Variants in RPN1 observed in about 807,000 individuals in gnomAD.
RPN1 encodes the protein dolichyl-diphosphooligosaccharide--protein glycosyltransferase subunit 1.
A neutral mutation model predicts 55.5 loss-of-function variants in RPN1; 12 were observed. The observed-to-expected ratio is 0.22, with a 90% confidence interval of 0.14 to 0.35. The LOEUF (loss-of-function observed/expected upper bound fraction) is 0.35, where lower values mean the gene tolerates loss of function less well. Among genes scored for constraint, RPN1 ranks in the 10% least tolerant of loss-of-function variants. The pLI, the probability that RPN1 is intolerant of heterozygous loss-of-function variation, is 1.00. For synonymous variants in RPN1, 317 were observed against 305.9 expected (o/e 1.04, Z -0.38); for missense variants, 679 against 761.3 (o/e 0.89, Z 1.27).
At chr3:128,621,486 C>A (rs915265456) in intron 9 of RPN1, among the ~76,000 whole-genome samples, 3 of 152,086 alleles carry the variant, frequency 2.0e-5, no homozygotes, top group Non-Finnish European at 4.4e-5. Flanking sequence ...AGAGTGAAAC[C>A]CTGTCTCAAA....
chr3:128,646,989 G>T (rs2069773571), intron 1 of RPN1, among the ~76,000 whole-genome samples: 1 of 151,216 alleles, frequency 6.6e-6, no homozygotes, highest in Admixed American at 6.6e-5. Context: ...AAAAAAAAAT[G>T]GTTAACAGTG....
At chr3:128,630,173 ACT>A in intron 4 of RPN1, 30 bp from the exon 5 acceptor site, 2 of 1,503,562 alleles carry the variant, frequency 1.3e-6, no homozygotes, top group Non-Finnish European at 1.8e-6. Context: ...CCCTTCTAAA[ACT>A]CCAGGAACCA....
intron 2 of RPN1, chr3:128,642,417 C>T (rs1426622450): frequency 6.6e-6 from 1 of 152,070 alleles, no homozygotes; most frequent in Non-Finnish European, 1.5e-5. Context: ...AAAAGGTGGC[C>T]AGGTAGTGGC....
intron 8 of RPN1, among the ~76,000 whole-genome samples, chr3:128,624,845 A>C (rs1006975840): frequency 3.3e-5 from 5 of 152,116 alleles, no homozygotes; most frequent in Middle Eastern, 3.4e-3. Flanking sequence ...AAAAAAAAAA[A>C]CACACGCTGT....
chr3:128,626,302 T>G (rs1321787596), intron 6 of RPN1, among the ~76,000 whole-genome samples: 1 of 152,190 alleles, frequency 6.6e-6, no homozygotes, highest in Non-Finnish European at 1.5e-5. Flanking sequence ...AGTCACAAAG[T>G]TGACACAGCT....
At chr3:128,623,638 A>C (rs1429020126) in intron 8 of RPN1, among the ~76,000 whole-genome samples, 1 of 152,138 alleles carries the variant, frequency 6.6e-6, no homozygotes, top group African/African-American at 2.4e-5. Flanking sequence ...TGAGCCCAGG[A>C]GTTTGAGGCT....
At chr3:128,631,433 G>A (rs1182462263) in intron 4 of RPN1, among the ~76,000 whole-genome samples, 4 of 149,502 alleles carry the variant, frequency 2.7e-5, no homozygotes, top group Non-Finnish European at 4.4e-5. Context: ...AGCCGAGATC[G>A]CGCCATTGCC....
At chr3:128,621,888 C>A (rs1181772347) in intron 9 of RPN1, among the ~76,000 whole-genome samples, 1 of 152,198 alleles carries the variant, frequency 6.6e-6, no homozygotes, top group African/African-American at 2.4e-5. Flanking sequence ...ACAGTCTGGC[C>A]TCCAGGAGAG....
At chr3:128,644,155 T>G (rs1039581754) in intron 2 of RPN1, among the ~76,000 whole-genome samples, 1 of 152,174 alleles carries the variant, frequency 6.6e-6, no homozygotes, top group African/African-American at 2.4e-5. Flanking sequence ...GAATACTTGC[T>G]GAGGCAAACA....
intron 5 of RPN1, 78 bp downstream of exon 5, chr3:128,629,873 T>C (rs1300491748): frequency 2.5e-6 from 2 of 808,938 alleles, no homozygotes; most frequent in African/African-American, 1.8e-5. Flanking sequence ...ACCCCATCTA[T>C]AAAGACTGAT....
intron 1 of RPN1, among the ~76,000 whole-genome samples, chr3:128,649,518 A>C (rs2069797608): frequency 6.6e-6 from 1 of 152,254 alleles, no homozygotes. Flanking sequence ...AATCTCTATA[A>C]ACCCATCTTT....
intron 9 of RPN1, 119 bp downstream of exon 9, chr3:128,622,045 T>C: frequency 2.0e-6 from 2 of 987,106 alleles, no homozygotes; most frequent in Non-Finnish European, 3.0e-6. Flanking sequence ...TATGGCCAGA[T>C]GCAGTCTTAT....
At chr3:128,639,455 G>GAAAAA (rs370062932) in intron 2 of RPN1, among the ~76,000 whole-genome samples, 2 of 81,706 alleles carry the variant, frequency 2.4e-5, no homozygotes, top group Admixed American at 1.3e-4. Context: ...ACCGTCTCAA[G>GAAAAA]AAAAAAAAAA....
At chr3:128,631,831 G>T in intron 4 of RPN1, 117 bp downstream of exon 4, 1 of 1,042,120 alleles carries the variant, frequency 9.6e-7, no homozygotes, top group South Asian at 1.5e-5. Flanking sequence ...TCAACAAGAT[G>T]AACATCAGTC....
chr3:128,648,542 G>A (rs139553460), intron 1 of RPN1, among the ~76,000 whole-genome samples: 2,629 of 151,730 alleles, frequency 0.017, 44 homozygotes, highest in Admixed American at 0.026. Flanking sequence ...CATGGGCAAC[G>A]AGAGTGAAAC....
Position 128,620,252 on chromosome 3 carries a change from C to T in RPN1, c.*159G>A. Reference sequence around the variant, plus strand: ...AAGAAAGTTAAGGACAAACGGCAAACTCACACTGCCTGACGCAGGGCCTGG... The same window carrying T: ...AAGAAAGTTAAGGACAAACGGCAAATTCACACTGCCTGACGCAGGGCCTGG... On this transcript the variant is annotated 3_prime_UTR_variant, in exon 10 of 10. Coordinates refer to ENST00000296255, the MANE Select transcript of RPN1 (RefSeq NM_002950.4). 1 of 448,800 alleles carries T rather than the reference C, an allele frequency of 2.2e-6. No individual in the cohort carries two copies. Among genetic ancestry groups the T allele is most frequent in the Non-Finnish European group, 3.7e-6 (1 of 267,598 alleles). 27.8% of individuals were successfully genotyped at this position (448,800 alleles called of 1,614,324 possible). A position where few individuals can be genotyped will look rare whatever the true frequency, so the allele number is the denominator to read the frequency against.
At chr3:128,625,677 T>C in intron 7 of RPN1, 24 bp from the exon 8 acceptor site, 1 of 1,613,518 alleles carries the variant, frequency 6.2e-7, no homozygotes, top group Non-Finnish European at 8.5e-7. Flanking sequence ...GAGGACAGGC[T>C]TCATCGGGGC....
chr3:128,634,241 T>A lies in RPN1; in HGVS notation c.634-2084A>T, dbSNP rs531431830. Among the ~76,000 whole-genome samples, 1,345 of 150,234 alleles carry A rather than the reference T, an allele frequency of 9.0e-3. 7 individuals are homozygous for A. Among genetic ancestry groups the A allele is most frequent in the Non-Finnish European group, 0.015 (985 of 67,750 alleles). ...TACTGGGGAGGCTGAGGTGGGAGAA[T>A]CACTTAAACTCAAGAGGCAGAGGTT... On this transcript the variant is annotated intron_variant, in intron 3 of 9. Transcript: ENST00000296255.
chr3:128,647,525 A>C (rs539730803), intron 1 of RPN1, among the ~76,000 whole-genome samples: 6 of 152,090 alleles, frequency 3.9e-5, no homozygotes, highest in African/African-American at 1.4e-4. Context: ...CTCTGAAAAA[A>C]CAAAAAATTG....
Sources: allele counts gnomAD v4.1 joint callset (sites outside exome capture counted in the v4.1 genomes callset), GRCh38; gene constraint gnomAD v4.1.1; transcripts MANE v1.5; gene names NCBI Gene and HGNC (gene_info 2026-07-23, HGNC 2026-07-21).